Variants in SVOP observed in about 807,000 individuals in gnomAD.
The protein encoded by SVOP is SV2 related protein.
In SVOP, 17 loss-of-function variants were observed where a neutral mutation model predicts 69.1. That is an observed-to-expected ratio of 0.25 (90% confidence interval 0.17 to 0.37). The LOEUF is 0.37. SVOP is among the 10% of genes least tolerant of loss of function. The probability of loss-of-function intolerance (pLI) is 1.00; values close to 1 mark genes in which losing one functional copy is unlikely to be tolerated. For synonymous variants in SVOP, 238 were observed against 238.6 expected, an observed-to-expected ratio of 1.00 and a Z score of 0.02; for missense variants, 435 against 597.5, an observed-to-expected ratio of 0.73 and a Z score of 2.84.
chr12:108,940,578 A>G (rs1270986819), intron 8 of SVOP, among the ~76,000 whole-genome samples: 5 of 152,128 alleles, frequency 3.3e-5, no homozygotes, highest in Non-Finnish European at 5.9e-5. Context: ...TCCCCAGAAA[A>G]CATCCCAGAA....
At chr12:108,926,552 C>T in intron 11 of SVOP, 1 of 152,170 alleles carries the variant, frequency 6.6e-6, no homozygotes, top group East Asian at 1.9e-4. Context: ...GTGTGAAAGA[C>T]TTTGAAATGG....
At chr12:108,950,537 C>G (rs910014185) in intron 6 of SVOP, among the ~76,000 whole-genome samples, 2 of 152,106 alleles carry the variant, frequency 1.3e-5, no homozygotes, top group Non-Finnish European at 2.9e-5. Context: ...TGTGCACCAC[C>G]ACACTTGGCT....
intron 12 of SVOP, among the ~76,000 whole-genome samples, chr12:108,920,594 C>CTTTTT (rs71079507): frequency 1.6e-4 from 19 of 121,288 alleles, no homozygotes; most frequent in East Asian, 2.4e-4. Flanking sequence ...ATTTTTACAT[C>CTTTTT]TTTTTTTTTT....
intron 6 of SVOP, among the ~76,000 whole-genome samples, chr12:108,952,599 C>A (rs2039962320): frequency 1.3e-5 from 2 of 152,174 alleles, no homozygotes; most frequent in Admixed American, 1.3e-4. Flanking sequence ...AATCCCAACA[C>A]TTTGGGAGGC....
At chr12:108,951,354 T>G (rs541304988) in intron 6 of SVOP, among the ~76,000 whole-genome samples, 2 of 152,196 alleles carry the variant, frequency 1.3e-5, no homozygotes, top group African/African-American at 4.8e-5. Flanking sequence ...ATGGGCCCAG[T>G]GCCAACCTGT....
chr12:108,966,883 G>T (rs1017694482), intron 5 of SVOP, among the ~76,000 whole-genome samples: 3 of 152,162 alleles, frequency 2.0e-5, no homozygotes, highest in Non-Finnish European at 4.4e-5. Flanking sequence ...CTGGAGCCAG[G>T]TGTGCCTGTA....
intron 1 of SVOP, among the ~76,000 whole-genome samples, chr12:109,013,132 A>C (rs1388972766): frequency 6.6e-6 from 1 of 152,328 alleles, no homozygotes; most frequent in East Asian, 1.9e-4. Context: ...ATTGGTCTAC[A>C]CTGGAATCCA....
intron 15 of SVOP, among the ~76,000 whole-genome samples, chr12:108,914,386 A>C (rs560882534): frequency 2.5e-4 from 38 of 152,204 alleles, no homozygotes; most frequent in Non-Finnish European, 5.1e-4. Flanking sequence ...AAGTGATTCA[A>C]ACAGAAAAAA....
At position 108,922,680 on chromosome 12, in the gene SVOP, G is replaced by T. The variant is rs761117969; in HGVS notation, c.1156+10C>A. On this transcript the variant is annotated intron_variant, in intron 12 of 15. Transcript: ENST00000610966. ...GCCTGACACAGCTTCACCTTGCACAGGTCCCTCACCTGGAAACTCAGAGAG... is the reference window on the plus strand; with the variant it reads ...GCCTGACACAGCTTCACCTTGCACATGTCCCTCACCTGGAAACTCAGAGAG... 1.3e-6 allele frequency: 2 copies of T among 1,589,962 alleles called. No individual in the cohort carries two copies. Among genetic ancestry groups the T allele is most frequent in the Non-Finnish European group, 1.7e-6 (2 of 1,164,334 alleles).
At chr12:108,939,028 A>G in intron 8 of SVOP, 73 bp from the exon 9 acceptor site, 1 of 1,605,150 alleles carries the variant, frequency 6.2e-7, no homozygotes, top group Non-Finnish European at 8.5e-7. Context: ...CTAGCCACAC[A>G]GTGTTGCATG....
At chr12:108,913,449 AG>A (rs1365489702) in intron 15 of SVOP, among the ~76,000 whole-genome samples, 1 of 152,202 alleles carries the variant, frequency 6.6e-6, no homozygotes, top group Non-Finnish European at 1.5e-5. Flanking sequence ...CATTTTACAA[AG>A]GAGAAAACTG....
At chr12:108,978,770 C>T in intron 2 of SVOP, 107 bp from the exon 3 acceptor site, 1 of 623,162 alleles carries the variant, frequency 1.6e-6, no homozygotes, top group Non-Finnish European at 2.9e-6. Flanking sequence ...AAACACAGCA[C>T]ATGCTGCTTT....
intron 1 of SVOP, among the ~76,000 whole-genome samples, chr12:109,007,780 T>C (rs570741418): frequency 5.9e-5 from 9 of 152,292 alleles, no homozygotes; most frequent in African/African-American, 2.2e-4. Flanking sequence ...GGCTCATGCC[T>C]ATAATCCCAA....
At chr12:108,928,716 G>A (rs773025003) in intron 11 of SVOP, among the ~76,000 whole-genome samples, 21 of 151,952 alleles carry the variant, frequency 1.4e-4, no homozygotes, top group South Asian at 1.2e-3. Flanking sequence ...ACAGATGCAC[G>A]CCACCACACT....
At chr12:108,915,254 C>G (rs990014644) in intron 15 of SVOP, among the ~76,000 whole-genome samples, 6 of 151,662 alleles carry the variant, frequency 4.0e-5, no homozygotes, top group African/African-American at 1.5e-4. Flanking sequence ...TTGCATGATG[C>G]TGAAGTTTGG....
At chr12:109,000,104 C>G (rs1211881500) in intron 1 of SVOP, among the ~76,000 whole-genome samples, 1 of 152,068 alleles carries the variant, frequency 6.6e-6, no homozygotes, top group Non-Finnish European at 1.5e-5. Flanking sequence ...ATCAAATAGA[C>G]ACAATAAAAA....
At chr12:108,916,791 GGAGTGCA>G (rs2039716793) in intron 14 of SVOP, among the ~76,000 whole-genome samples, 1 of 152,176 alleles carries the variant, frequency 6.6e-6, no homozygotes, top group African/African-American at 2.4e-5. Flanking sequence ...CATTCAGGCT[GGAGTGCA>G]GTGGCACAAT....
intron 7 of SVOP, 71 bp downstream of exon 7, chr12:108,945,032 G>T: frequency 7.2e-7 from 1 of 1,387,858 alleles, no homozygotes; most frequent in Non-Finnish European, 9.9e-7. Flanking sequence ...CTTGACCTGT[G>T]GTTCAAGACA....
chr12:108,924,360 T>C (rs904733396), intron 11 of SVOP, among the ~76,000 whole-genome samples: 3 of 152,174 alleles, frequency 2.0e-5, no homozygotes, highest in Admixed American at 2.0e-4. Context: ...CAGGCAAGAC[T>C]CAGAGAGGGT....
Sources: gnomAD v4.1 joint callset for allele counts (sites outside exome capture counted in the v4.1 genomes callset) on GRCh38, gnomAD v4.1.1 for gene constraint, MANE v1.5 for transcripts, NCBI Gene and HGNC (gene_info 2026-07-23, HGNC 2026-07-21) for gene names.